Variants in SCAF4 observed in about 807,000 individuals in gnomAD.
The protein encoded by SCAF4 is SR-related CTD associated factor 4.
SCAF4 carries 25 observed loss-of-function variants against 129.8 expected under a neutral mutation model. The ratio of observed to expected loss-of-function variants is 0.19; its 90% CI spans 0.14 to 0.27. The LOEUF is 0.27. Among genes scored for constraint, SCAF4 ranks in the 10% least tolerant of loss-of-function variants. SCAF4 has a pLI of 1.00. For synonymous variants in SCAF4, 551 were observed against 497.7 expected (o/e 1.11, Z -1.43); for missense variants, 1,246 against 1,457.1 (o/e 0.86, Z 2.36).
intron 16 of SCAF4, among the ~76,000 whole-genome samples, chr21:31,687,543 TATA>T (rs1205734865): frequency 2.6e-5 from 4 of 152,184 alleles, no homozygotes; most frequent in African/African-American, 9.7e-5. Flanking sequence ...GCAAATATTT[TATA>T]ATAAGAACAC....
intron 19 of SCAF4, among the ~76,000 whole-genome samples, chr21:31,683,323 G>T (rs535845690): frequency 1.3e-5 from 2 of 152,300 alleles, no homozygotes; most frequent in Non-Finnish European, 2.9e-5. Context: ...AGCTTACTAT[G>T]TTTTTCCAAG....
intron 19 of SCAF4, among the ~76,000 whole-genome samples, chr21:31,677,623 T>C (rs868266029): frequency 6.6e-6 from 1 of 152,172 alleles, no homozygotes; most frequent in African/African-American, 2.4e-5. Flanking sequence ...TCCATCAGTG[T>C]CATCTGATAG....
rs755914155 is a variant in SCAF4, at chr21:31,694,890, T to C, written c.1159A>G (p.Thr387Ala). The stretch of plus-strand genomic sequence containing the variant: ...TGGAAAGGCTGCTGCACTGGTGGAG[T>C]TGGAGGAATCACAGGCTGAGCCATG... ...PPMAQPVIPPTPPVQQPFQAS... is the reference protein window; with the variant it reads ...PPMAQPVIPPAPPVQQPFQAS... The change falls in exon 10 of 20, where the codon ACT becomes GCT. Residue 387 changes from threonine (T) to alanine (A), a missense_variant. Coordinates refer to ENST00000286835, the MANE Select transcript of SCAF4 (RefSeq NM_020706.2). 8 of 1,613,892 alleles carry C rather than the reference T, an allele frequency of 5.0e-6. No homozygotes were observed. The South Asian group carries it at 5.5e-5, about 11-fold the overall frequency.
Position 31,725,443 on chromosome 21 carries a change from C to A in SCAF4, c.30+6220G>T, listed in dbSNP as rs191723702. Among the ~76,000 whole-genome samples, 998 of 152,256 alleles carry A rather than the reference C, an allele frequency of 6.6e-3. 10 individuals are homozygous for A. Among genetic ancestry groups the A allele is most frequent in the African/African-American group, 0.023 (940 of 41,548 alleles). ...CTTCAGAATAACATGATTGACAGCC[C>A]AACTGGATAAGTGTACCAATGTCAA... On this transcript the variant is annotated intron_variant, in intron 1 of 19. Coordinates refer to ENST00000286835, the MANE Select transcript of SCAF4 (RefSeq NM_020706.2).
Position 31,671,876 on chromosome 21 carries a change from C to T in SCAF4, c.2967G>A (p.Gln989=), listed in dbSNP as rs370263420. Residue 989 remains glutamine (Q), a synonymous_variant, in exon 20 of 20, where the codon CAG becomes CAA. Transcript: ENST00000286835. ...CTTGGTCTCTACCTGAATTGAACTG[C>T]TGCCTGTTATCATTTCTAAACTGCT... ...QPQQFRNDNR[Q]QFNSGRDQER... is the part of the protein sequence containing the mutation. The T allele has an allele frequency of 1.2e-6, 2 of 1,614,090 alleles. No individual in the cohort carries two copies. Among genetic ancestry groups the T allele is most frequent in the African/African-American group, 2.7e-5 (2 of 74,930 alleles).
rs773592223 is a variant in SCAF4, at chr21:31,693,308, G to A, written c.1499C>T (p.Pro500Leu). 5.4e-6 allele frequency: 8 copies of A among 1,480,832 alleles called. No individual in the cohort carries two copies. The highest frequency in any genetic ancestry group is 2.5e-5 in the East Asian group (1 of 40,572). The allele number at this position is 1,480,832 out of a possible 1,614,324, so 91.7% of individuals were successfully genotyped here. A position where few individuals can be genotyped will look rare whatever the true frequency, so the allele number is the denominator to read the frequency against. The change falls in exon 12 of 20, where the codon CCG becomes CTG. Residue 500 changes from proline to leucine, a missense_variant. Coordinates refer to ENST00000286835, the MANE Select transcript of SCAF4 (RefSeq NM_020706.2). ...GGTTGAGTTACCACTTGCAGTTTCC[G>A]GTTTCACTTGAGGGAGGCCTTTTTG... ...RRQKGLPQVK[P>L]ETASVCSTTL...
At position 31,702,238 on chromosome 21, in the gene SCAF4, C is replaced by A; in HGVS notation, c.457+6G>T. ...TGTGTGAGCTCACAGATACATCTGACCATACCTTCATTATTGGTAACATTT... is the reference window on the plus strand; with the variant it reads ...TGTGTGAGCTCACAGATACATCTGAACATACCTTCATTATTGGTAACATTT... On this transcript the variant is annotated splice_donor_region_variant and intron_variant, in intron 5 of 19. Coordinates refer to ENST00000286835, the MANE Select transcript of SCAF4 (RefSeq NM_020706.2). 1 of 1,614,006 alleles carries A rather than the reference C, an allele frequency of 6.2e-7. No individual in the cohort carries two copies. Among genetic ancestry groups the A allele is most frequent in the Non-Finnish European group, 8.5e-7 (1 of 1,179,960 alleles).
At position 31,694,390 on chromosome 21, in the gene SCAF4, G is replaced by A. The variant is rs527276793; in HGVS notation, c.1237-101C>T. 5.7e-5 allele frequency: 41 copies of A among 716,644 alleles called. 2 individuals are homozygous for A. The South Asian group carries it at 9.0e-4, about 16-fold the overall frequency. 44.4% of individuals were successfully genotyped at this position (716,644 alleles called of 1,614,324 possible). On this transcript the variant is annotated intron_variant, in intron 10 of 19. Transcript: ENST00000286835. Reference sequence around the variant, plus strand: ...TATATTAAAAATCTCCTTCCCTGAAGCAATTCTCTTTTGGTTGCCTGGGAC... The same window carrying A: ...TATATTAAAAATCTCCTTCCCTGAAACAATTCTCTTTTGGTTGCCTGGGAC...
chr21:31,694,991 T>A lies in SCAF4; in HGVS notation c.1069-11A>T, dbSNP rs763929073. The A allele has an allele frequency of 1.2e-6, 2 of 1,610,674 alleles. No individual in the cohort carries two copies. Among genetic ancestry groups the A allele is most frequent in the South Asian group, 2.2e-5 (2 of 90,744 alleles). On this transcript the variant is annotated splice_polypyrimidine_tract_variant and intron_variant, in intron 9 of 19. Transcript: ENST00000286835. ...AGGAGGAAGTGGAACCTTTCATTTT[T>A]AAAGAAAGTGTATGAGTAATAGCTA...
At chr21:31,706,781 C>A in intron 1 of SCAF4, 1 of 231,738 alleles carries the variant, frequency 4.3e-6, no homozygotes, top group Non-Finnish European at 8.7e-6. Flanking sequence ...AACCAAGAAA[C>A]TAAAGATTTA....
intron 1 of SCAF4, among the ~76,000 whole-genome samples, chr21:31,717,908 C>CAT (rs1300596236): frequency 6.0e-3 from 369 of 61,734 alleles, no homozygotes; most frequent in East Asian, 0.056. Context: ...CATATATACA[C>CAT]ACACACACAC....
intron 1 of SCAF4, among the ~76,000 whole-genome samples, chr21:31,729,029 T>G (rs1568872380): frequency 6.6e-6 from 1 of 152,204 alleles, no homozygotes; most frequent in Non-Finnish European, 1.5e-5. Flanking sequence ...ACTATACACT[T>G]GCCAAGTTCA....
intron 19 of SCAF4, 125 bp downstream of exon 19, chr21:31,684,924 C>T: frequency 5.2e-6 from 3 of 576,466 alleles, no homozygotes; most frequent in South Asian, 2.0e-5. Flanking sequence ...ACCAAAAAAG[C>T]CAGTCTTGGA....
At chr21:31,714,680 TCTG>T (rs1484281235) in intron 1 of SCAF4, among the ~76,000 whole-genome samples, 1 of 152,244 alleles carries the variant, frequency 6.6e-6, no homozygotes, top group Non-Finnish European at 1.5e-5. Context: ...ACATGGGTAC[TCTG>T]CTATTTACCA....
In SCAF4 at chr21:31,696,592, A is replaced by AGAGGCAGCAGCG. The variant is rs754864683; in HGVS notation, c.924_935dup (p.Ala309_Ser312dup). 2 of 1,606,118 alleles carry AGAGGCAGCAGCG rather than the reference A, an allele frequency of 1.2e-6. No homozygotes were observed. The highest frequency in any genetic ancestry group is 2.2e-5 in the East Asian group (1 of 44,824). On this transcript the variant is annotated inframe_insertion, in exon 8 of 20. Transcript: ENST00000286835. Reference sequence around the variant, plus strand: ...ACAATGGTGCCTGTGGAGGAGGAGGAGAGGCAGCAGCGGGTGCAGCAGCAG... The same window carrying AGAGGCAGCAGCG: ...ACAATGGTGCCTGTGGAGGAGGAGGAGAGGCAGCAGCGGAGGCAGCAGCGGGTGCAGCAGCAG...
intron 1 of SCAF4, among the ~76,000 whole-genome samples, chr21:31,720,807 T>C (rs1046926366): frequency 1.2e-4 from 19 of 152,292 alleles, no homozygotes; most frequent in African/African-American, 4.1e-4. Flanking sequence ...CTCCTTAAAA[T>C]AGTACGTCAA....
intron 7 of SCAF4, among the ~76,000 whole-genome samples, chr21:31,699,326 T>C (rs1373240655): frequency 6.6e-6 from 1 of 152,164 alleles, no homozygotes; most frequent in Non-Finnish European, 1.5e-5. Context: ...AAATCTTTTC[T>C]AATACAAATG....
chr21:31,671,316 G>C lies in SCAF4; in HGVS notation c.*83C>G. The stretch of plus-strand genomic sequence containing the variant: ...CTGGCGCGGGGCTGCAGTACAGCGG[G>C]AGCGGATATAATACAGCATCTGTAC... On this transcript the variant is annotated 3_prime_UTR_variant, in exon 20 of 20. Coordinates refer to ENST00000286835, the MANE Select transcript of SCAF4 (RefSeq NM_020706.2). The C allele has an allele frequency of 2.0e-6, 3 of 1,484,032 alleles. No homozygotes were observed. The highest frequency in any genetic ancestry group is 1.4e-5 in the South Asian group (1 of 72,416). The allele number at this position is 1,484,032 out of a possible 1,614,324, so 91.9% of individuals were successfully genotyped here. A position where few individuals can be genotyped will look rare whatever the true frequency, so the allele number is the denominator to read the frequency against.
chr21:31,692,367 A>C lies in SCAF4; in HGVS notation c.1596T>G (p.Gly532=). 1 of 1,613,328 alleles carries C rather than the reference A, an allele frequency of 6.2e-7. No homozygotes were observed. The highest frequency in any genetic ancestry group is 8.5e-7 in the Non-Finnish European group (1 of 1,179,314). Residue 532 remains glycine, a synonymous_variant, in exon 13 of 20, where the codon GGT becomes GGG. Transcript: ENST00000286835. ...QDVASLLEEF[G]PIESINMIPP... Reference sequence around the variant, plus strand: ...CACTCACATTAATTGATTCAATTGGACCAAACTCTTCCAAGAGACTGGCAA... The same window carrying C: ...CACTCACATTAATTGATTCAATTGGCCCAAACTCTTCCAAGAGACTGGCAA...
Sources: allele counts gnomAD v4.1 joint callset (sites outside exome capture counted in the v4.1 genomes callset), GRCh38; gene constraint gnomAD v4.1.1; transcripts MANE v1.5; gene names NCBI Gene and HGNC (gene_info 2026-07-23, HGNC 2026-07-21).